NWD1: variants seen among roughly 807,000 people sequenced by gnomAD.
The protein encoded by NWD1 is NACHT and WD repeat domain containing 1, also known as NACHT domain- and WD repeat-containing protein 1.
Under a neutral mutation model 135.1 loss-of-function variants are expected in NWD1, and 129 were observed. The ratio of observed to expected loss-of-function variants is 0.96; its 90% confidence interval spans 0.83 to 1.11. NWD1 has a LOEUF of 1.11. Among genes scored for constraint, NWD1 ranks in the 50% least tolerant of loss-of-function variants. The probability of loss-of-function intolerance (pLI) is 0.00; values close to 1 mark genes in which losing one functional copy is unlikely to be tolerated. For missense variants in NWD1, 1,740 were observed against 1,851.3 expected (o/e 0.94, Z 1.10); for synonymous variants, 773 against 786.0 (o/e 0.98, Z 0.28).
Position 16,744,647 on chromosome 19 carries a change from G to A in NWD1, c.425G>A (p.Arg142His), listed in dbSNP as rs1320095043. The A allele has an allele frequency of 2.0e-5, 30 of 1,535,798 alleles. No individual in the cohort carries two copies. The highest frequency in any genetic ancestry group is 2.4e-5 in the East Asian group (1 of 40,922). The change falls in exon 5 of 19, where the codon CGC (arginine) becomes CAC (histidine). Residue 142 changes from arginine to histidine, a missense_variant. Physicochemically the swap from Arg to His is conservative, Grantham distance 29 (BLOSUM62 0). Coordinates refer to ENST00000524140, the MANE Select transcript of NWD1 (RefSeq NM_001007525.5). The part of the protein sequence containing the change: ...PEEATLTSVL[R>H]SGAQEARRLG... Reference sequence around the variant, plus strand: ...GAGGCCACCTTAACTTCTGTCCTACGCTCTGGAGCCCAGGAGGCCCGGAGG... The same window carrying A: ...GAGGCCACCTTAACTTCTGTCCTACACTCTGGAGCCCAGGAGGCCCGGAGG...
At chr19:16,789,572 T>G (rs923149215) in intron 13 of NWD1, among the ~76,000 whole-genome samples, 4 of 152,170 alleles carry the variant, frequency 2.6e-5, no homozygotes, top group African/African-American at 9.6e-5. Context: ...TATTTAAAAG[T>G]ATACTATTAG....
intron 17 of NWD1, chr19:16,801,570 G>T (rs996576440): frequency 6.6e-6 from 1 of 152,060 alleles, no homozygotes; most frequent in Non-Finnish European, 1.5e-5. Flanking sequence ...ACAAAAATTA[G>T]CTCGGTGTAG....
chr19:16,768,041 G>T (rs1969290251), intron 10 of NWD1, among the ~76,000 whole-genome samples: 1 of 139,826 alleles, frequency 7.2e-6, no homozygotes, highest in South Asian at 2.3e-4. Context: ...ACCCAGGCTG[G>T]AGTGCAGTGG....
rs34083740 is a variant in NWD1 at position 16,817,598 on chromosome 19, CAAA to C, written c.*2577_*2579del. 2.3e-4 allele frequency: 14 copies of C among 61,064 alleles called. No individual in the cohort carries two copies. Among genetic ancestry groups the C allele is most frequent in the South Asian group, 1.1e-3 (2 of 1,874 alleles). The allele number at this position is 61,064 out of a possible 1,614,324, so 3.8% of individuals were successfully genotyped here. Reference sequence around the variant, plus strand: ...GCATGAGTGACAGAGACTCTGTCTCCAAAAAAAAAAAAAAAAAAAAGTAATGGC... The same window carrying C: ...GCATGAGTGACAGAGACTCTGTCTCCAAAAAAAAAAAAAAAAAGTAATGGC... On this transcript the variant is annotated 3_prime_UTR_variant, in exon 19 of 19. Transcript: ENST00000524140.
chr19:16,784,272 A>C (rs925128681), intron 12 of NWD1, among the ~76,000 whole-genome samples: 1 of 152,010 alleles, frequency 6.6e-6, no homozygotes, highest in African/African-American at 2.4e-5. Flanking sequence ...CGGCTGAGGC[A>C]GAAGGATCGC....
At position 16,764,400 on chromosome 19, in the gene NWD1, CATCT is replaced by C. The variant is rs1047171230; in HGVS notation, c.2251+457_2251+460del. Reference sequence around the variant, plus strand: ...CCATCCATCCATCCATCCATCCATCCATCTAACTATCCATTTATCCACCCATCCA... The same window carrying C: ...CCATCCATCCATCCATCCATCCATCCAACTATCCATTTATCCACCCATCCA... On this transcript the variant is annotated intron_variant, in intron 9 of 18. Transcript: ENST00000524140. Among the ~76,000 whole-genome samples, 29 of 139,484 alleles carry C rather than the reference CATCT, an allele frequency of 2.1e-4. No individual in the cohort carries two copies. In the South Asian group the frequency reaches 4.2e-3, roughly 20 times the overall value. The allele number at this position is 139,484 out of a possible 152,430, so 91.5% of individuals were successfully genotyped here.
At chr19:16,787,934 C>T (rs934394219) in intron 12 of NWD1, among the ~76,000 whole-genome samples, 51 of 134,576 alleles carry the variant, frequency 3.8e-4, no homozygotes, top group African/African-American at 1.4e-3. Context: ...TCATCATCAT[C>T]ATCATCATCA....
At chr19:16,767,429 A>G (rs1393198998) in intron 10 of NWD1, among the ~76,000 whole-genome samples, 1 of 152,110 alleles carries the variant, frequency 6.6e-6, no homozygotes, top group African/African-American at 2.4e-5. Flanking sequence ...AGCCTGGCCA[A>G]CATGGTGAAA....
intron 3 of NWD1, among the ~76,000 whole-genome samples, chr19:16,733,413 C>G (rs576560206): frequency 1.3e-5 from 2 of 149,952 alleles, no homozygotes; most frequent in Non-Finnish European, 3.0e-5. Flanking sequence ...CCCAGCTACT[C>G]GGGAGGCTGG....
chr19:16,738,032 C>T (rs920505599), intron 4 of NWD1, among the ~76,000 whole-genome samples: 2 of 147,596 alleles, frequency 1.4e-5, no homozygotes, highest in African/African-American at 5.2e-5. Context: ...CAGAGGCCAA[C>T]AAGCTATAGC....
intron 10 of NWD1, among the ~76,000 whole-genome samples, chr19:16,768,263 T>A (rs1169026303): frequency 6.6e-6 from 1 of 152,168 alleles, no homozygotes; most frequent in Non-Finnish European, 1.5e-5. Flanking sequence ...CCCAAAGTGC[T>A]GGGATTACAG....
At chr19:16,753,803 C>A (rs1195377645) in intron 6 of NWD1, among the ~76,000 whole-genome samples, 1 of 150,868 alleles carries the variant, frequency 6.6e-6, no homozygotes. Context: ...CCATCAATCC[C>A]TCCCTCCCTC....
chr19:16,802,943 G>A (rs530949330), intron 17 of NWD1, among the ~76,000 whole-genome samples: 2 of 131,416 alleles, frequency 1.5e-5, no homozygotes, highest in East Asian at 4.2e-4. Flanking sequence ...GTCAGACTCT[G>A]TCTCAAAAAA....
intron 18 of NWD1, among the ~76,000 whole-genome samples, chr19:16,810,748 A>T (rs1970901747): frequency 6.6e-6 from 1 of 152,174 alleles, no homozygotes; most frequent in Non-Finnish European, 1.5e-5. Context: ...GGATGACGAT[A>T]CAAGATTCTG....
At chr19:16,814,899 TA>T (rs1435076002) in intron 18 of NWD1, 128 bp from the exon 19 acceptor site, 1 of 739,050 alleles carries the variant, frequency 1.4e-6, no homozygotes, top group Non-Finnish European at 2.2e-6. Flanking sequence ...TTTGGCATAA[TA>T]AATGTCATGC....
At chr19:16,788,890 T>C in intron 12 of NWD1, 92 bp from the exon 13 acceptor site, 1 of 825,656 alleles carries the variant, frequency 1.2e-6, no homozygotes, top group Non-Finnish European at 2.1e-6. Flanking sequence ...CTTTGGTAAA[T>C]GAGGGTATTT....
chr19:16,792,061 A>C (rs1335557317), intron 14 of NWD1, among the ~76,000 whole-genome samples: 5 of 152,168 alleles, frequency 3.3e-5, no homozygotes, highest in African/African-American at 1.2e-4. Context: ...AGCACAGTTC[A>C]GGAAACATCT....
rs1256684409 is a variant in NWD1 at position 16,791,585 on chromosome 19, A to G, written c.3176A>G (p.Lys1059Arg). 1 of 1,614,074 alleles carries G rather than the reference A, an allele frequency of 6.2e-7. No individual in the cohort carries two copies. The highest frequency in any genetic ancestry group is 8.5e-7 in the Non-Finnish European group (1 of 1,180,036). Reference sequence around the variant, plus strand: ...GCCGTCTCAGTCCAGAAGCAAGGAAAGCTTGTTACCGGGTTTAGCAATGGC... The same window carrying G: ...GCCGTCTCAGTCCAGAAGCAAGGAAGGCTTGTTACCGGGTTTAGCAATGGC... ...TCAVSVQKQG[K>R]LVTGFSNGSI... The change falls in exon 14 of 19, where the codon AAG (lysine) becomes AGG (arginine). Residue 1059 changes from lysine to arginine, a missense_variant. Lys to Arg is a conservative substitution (Grantham distance 26, BLOSUM62 2). Transcript: ENST00000524140.
rs1971045633 is a variant in NWD1, at chr19:16,815,546, T to C, written c.*507T>C. On this transcript the variant is annotated 3_prime_UTR_variant, in exon 19 of 19. Coordinates refer to ENST00000524140, the MANE Select transcript of NWD1 (RefSeq NM_001007525.5). ...TGCCACCCCCAGGTTAGCAACATGG[T>C]GGCCAATATGCTGCTGTCTCCAATT... 1 of 523,080 alleles carries C rather than the reference T, an allele frequency of 1.9e-6. No individual in the cohort carries two copies. The highest frequency in any genetic ancestry group is 3.3e-5 in the East Asian group (1 of 30,132). 32.4% of individuals were successfully genotyped at this position (523,080 alleles called of 1,614,324 possible). A position where few individuals can be genotyped will look rare whatever the true frequency, so the allele number is the denominator to read the frequency against.
Sources: allele counts gnomAD v4.1 joint callset (sites outside exome capture counted in the v4.1 genomes callset), GRCh38; gene constraint gnomAD v4.1.1; transcripts MANE v1.5; gene names NCBI Gene and HGNC (gene_info 2026-07-23, HGNC 2026-07-21).